Variants in HIGD1C observed in about 807,000 individuals in gnomAD.
HIGD1C encodes HIG1 hypoxia inducible domain family member 1C, also known as HIG1 domain family member 1C.
In HIGD1C, 11 loss-of-function variants were observed where a neutral mutation model predicts 13.1. The observed-to-expected ratio is 0.84, with a 90% CI of 0.53 to 1.39. HIGD1C has a LOEUF of 1.39. Ranked by LOEUF, HIGD1C falls within the 40% of genes most tolerant of loss-of-function variation. The pLI is 0.00. For synonymous variants in HIGD1C, 36 were observed against 37.7 expected, an observed-to-expected ratio of 0.95 and a Z score of 0.17; for missense variants, 110 against 112.0, an observed-to-expected ratio of 0.98 and a Z score of 0.08.
intron 1 of HIGD1C, among the ~76,000 whole-genome samples, chr12:50,958,864 A>G (rs1939214790): frequency 6.6e-6 from 1 of 151,386 alleles, no homozygotes; most frequent in African/African-American, 2.4e-5. Context: ...TAAAAATACA[A>G]AAGTTGGCCA....
chr12:50,954,158 T>C, intron 1 of HIGD1C, 66 bp downstream of exon 3: 2 of 935,248 alleles, frequency 2.1e-6, no homozygotes, highest in Non-Finnish European at 3.4e-6. Flanking sequence ...CCCAGTGCCT[T>C]TGCGGATTGA....
intron 1 of HIGD1C, among the ~76,000 whole-genome samples, chr12:50,958,494 G>T (rs909284610): frequency 1.3e-5 from 2 of 150,414 alleles, no homozygotes; most frequent in Admixed American, 1.3e-4. Flanking sequence ...TGTTAGCCAG[G>T]ATGGTCTTCA....
At chr12:50,971,213 C>G (rs1274787721), downstream of HIGD1C, among the ~76,000 whole-genome samples, 3 of 152,054 alleles carry the variant, frequency 2.0e-5, no homozygotes, top group Non-Finnish European at 2.9e-5. Context: ...AATGTGACAC[C>G]CTATCCATGT....
exon 2 of HIGD1C, chr12:50,961,003 C>G: frequency 3.1e-6 from 5 of 1,606,932 alleles, no homozygotes; most frequent in Non-Finnish European, 3.4e-6. Context: ...GTCCTGTGGT[C>G]TTTACAAGCT....
At chr12:50,965,325 A>G (rs958194214) in intron 2 of HIGD1C, among the ~76,000 whole-genome samples, 2 of 146,788 alleles carry the variant, frequency 1.4e-5, no homozygotes, top group Non-Finnish European at 3.0e-5. Flanking sequence ...GTCTTGCTAC[A>G]TTGCCCAGGC....
chr12:50,933,469 A>T, the HIGD1C span, among the ~76,000 whole-genome samples: 1 of 152,252 alleles, frequency 6.6e-6, no homozygotes, highest in East Asian at 1.9e-4. Context: ...ATTAGTGAAA[A>T]TCATACAGGC....
At chr12:50,968,079 T>C (rs1939606791) in intron 2 of HIGD1C, among the ~76,000 whole-genome samples, 1 of 150,652 alleles carries the variant, frequency 6.6e-6, no homozygotes. Context: ...GAGCGAGGCA[T>C]TGTCTCAAAT....
chr12:50,952,727 G>A (rs575679959), upstream of HIGD1C, among the ~76,000 whole-genome samples: 8 of 152,300 alleles, frequency 5.3e-5, no homozygotes, highest in South Asian at 2.1e-4. Context: ...TGAGCCCGGC[G>A]GGCTCTCATC....
intron 2 of HIGD1C, among the ~76,000 whole-genome samples, chr12:50,968,104 GGAGGAGGAGGAGGAGGAGGAGGAGAAT>G (rs923035810): frequency 3.7e-5 from 4 of 107,038 alleles, no homozygotes; most frequent in African/African-American, 1.2e-4. Context: ...AGAAGAAGAA[GGAGGAGGAGGAGGAGGAGGAGGAGAAT>G]GAGGAGGAGG....
At chr12:50,967,432 C>G (rs955170652) in intron 2 of HIGD1C, among the ~76,000 whole-genome samples, 2 of 152,118 alleles carry the variant, frequency 1.3e-5, no homozygotes, top group African/African-American at 2.4e-5. Context: ...CGGGCATGAG[C>G]TACCAGACCT....
At chr12:50,965,203 T>C (rs564266916) in intron 2 of HIGD1C, among the ~76,000 whole-genome samples, 1 of 152,078 alleles carries the variant, frequency 6.6e-6, no homozygotes, top group Non-Finnish European at 1.5e-5. Flanking sequence ...AGCCCCAAAC[T>C]CCTGGGTTCA....
At chr12:50,942,244 C>A in the HIGD1C span, among the ~76,000 whole-genome samples, 1 of 152,164 alleles carries the variant, frequency 6.6e-6, no homozygotes, top group Non-Finnish European at 1.5e-5. Flanking sequence ...GACCTTTTAC[C>A]CCAAATCTGC....
At chr12:50,954,486 T>C (rs993530245) in intron 1 of HIGD1C, 1 of 156,246 alleles carries the variant, frequency 6.4e-6, no homozygotes, top group Non-Finnish European at 1.4e-5. Flanking sequence ...CTTTGTCTTG[T>C]AAGTAATCTA....
At chr12:50,956,981 CATT>C (rs1939118388) in intron 1 of HIGD1C, among the ~76,000 whole-genome samples, 1 of 147,074 alleles carries the variant, frequency 6.8e-6, no homozygotes, top group Admixed American at 6.7e-5. Context: ...CTACCATCAT[CATT>C]TTGTTATTTT....
intron 2 of HIGD1C, among the ~76,000 whole-genome samples, chr12:50,967,187 C>T (rs1037756652): frequency 5.3e-5 from 8 of 152,170 alleles, no homozygotes; most frequent in South Asian, 2.1e-4. Flanking sequence ...GCAATCATGG[C>T]TCACTGCAGC....
chr12:50,968,940 A>G (rs547187275), intron 2 of HIGD1C, among the ~76,000 whole-genome samples: 60 of 152,208 alleles, frequency 3.9e-4, no homozygotes, highest in Non-Finnish European at 7.8e-4. Flanking sequence ...TGGCCTTCCA[A>G]CGTGGTGGGA....
intron 2 of HIGD1C, among the ~76,000 whole-genome samples, chr12:50,962,726 G>A (rs1214835335): frequency 6.6e-6 from 1 of 152,024 alleles, no homozygotes; most frequent in Non-Finnish European, 1.5e-5. Context: ...TTTTTGCTAT[G>A]GAAGCACAAA....
the HIGD1C span, among the ~76,000 whole-genome samples, chr12:50,938,355 C>A: frequency 1.3e-5 from 2 of 152,212 alleles, no homozygotes. Flanking sequence ...CAACTTTGTT[C>A]CACACCAGAG....
chr12:50,950,105 G>GTGA (rs1387105088), upstream of HIGD1C, among the ~76,000 whole-genome samples: 11 of 152,094 alleles, frequency 7.2e-5, no homozygotes, highest in African/African-American at 2.4e-4. Flanking sequence ...GACACCTCAC[G>GTGA]GGTGACAGGA....
Sources: allele counts gnomAD v4.1 joint callset (sites outside exome capture counted in the v4.1 genomes callset), GRCh38; gene constraint gnomAD v4.1.1; transcripts MANE v1.5; gene names NCBI Gene and HGNC (gene_info 2026-07-23, HGNC 2026-07-21).